Variants in DSE observed in about 807,000 individuals in gnomAD.
The protein encoded by DSE is dermatan sulfate epimerase.
DSE carries 36 observed loss-of-function variants against 84.4 expected under a neutral mutation model. That is an observed-to-expected ratio of 0.43 (90% CI 0.33 to 0.56). The LOEUF (loss-of-function observed/expected upper bound fraction) is 0.56. DSE is among the 20% of genes least tolerant of loss of function. The pLI, the probability that DSE is intolerant of heterozygous loss-of-function variation, is 0.06. For missense variants in DSE, 862 were observed against 1,169.6 expected (o/e 0.74, Z 3.84); for synonymous variants, 410 against 430.1 (o/e 0.95, Z 0.58).
At position 116,426,592 on chromosome 6, in the gene DSE, T is replaced by G. The variant is rs1351938180; in HGVS notation, c.435T>G (p.Pro145=). The change falls in exon 3 of 6, where the codon CCT becomes CCG. Residue 145 remains proline (P), a synonymous_variant. Coordinates refer to ENST00000644252, the MANE Select transcript of DSE (RefSeq NM_013352.4). ...AQPSWLVKDA[P]WDEVPLAHSL... ...TTTACAGGTTGGTGAAAGATGCTCC[T>G]TGGGATGAGGTCCCGCTTGCTCACT... is the stretch of plus-strand genomic sequence containing the variant. 6.2e-7 allele frequency: 1 copy of G among 1,613,678 alleles called. No individual in the cohort carries two copies. Among genetic ancestry groups the G allele is most frequent in the East Asian group, 2.2e-5 (1 of 44,868 alleles).
intron 2 of DSE, among the ~76,000 whole-genome samples, chr6:116,304,290 T>G (rs78732890): frequency 0.014 from 2,090 of 152,286 alleles, 21 homozygotes; most frequent in Non-Finnish European, 0.023. Context: ...TCAGTCTAGG[T>G]TGCAAAGTAT....
intron 2 of DSE, among the ~76,000 whole-genome samples, chr6:116,267,281 A>T (rs945113146): frequency 6.6e-6 from 1 of 152,192 alleles, no homozygotes; most frequent in African/African-American, 2.4e-5. Flanking sequence ...CATTTTTATC[A>T]CAGAAGATGA....
chr6:116,330,645 A>G (rs1238864963), intron 2 of DSE, among the ~76,000 whole-genome samples: 1 of 152,230 alleles, frequency 6.6e-6, no homozygotes, highest in Non-Finnish European at 1.5e-5. Context: ...ATACAACTGC[A>G]TAAATCTCAA....
At chr6:116,358,878 A>G (rs1778727783) in intron 2 of DSE, among the ~76,000 whole-genome samples, 1 of 152,216 alleles carries the variant, frequency 6.6e-6, no homozygotes, top group Non-Finnish European at 1.5e-5. Flanking sequence ...TATGTAGGTT[A>G]GAAAGCATTC....
intron 2 of DSE, among the ~76,000 whole-genome samples, chr6:116,347,235 C>T (rs1778031785): frequency 1.3e-5 from 2 of 152,164 alleles, no homozygotes; most frequent in Non-Finnish European, 2.9e-5. Flanking sequence ...CATCAAGCTA[C>T]CAATGACTTT....
chr6:116,397,479 TTA>T (rs1781333129), intron 1 of DSE, among the ~76,000 whole-genome samples: 1 of 152,142 alleles, frequency 6.6e-6, no homozygotes, highest in African/African-American at 2.4e-5. Flanking sequence ...AGTCCTGGGA[TTA>T]CAGGCATGAG....
intron 2 of DSE, among the ~76,000 whole-genome samples, chr6:116,353,951 G>A (rs1486372401): frequency 1.3e-5 from 2 of 152,114 alleles, no homozygotes; most frequent in African/African-American, 4.8e-5. Flanking sequence ...ATATTTTAGA[G>A]TAGAGGCAAG....
chr6:116,294,299 A>G (rs985501241), intron 2 of DSE, among the ~76,000 whole-genome samples: 2 of 152,198 alleles, frequency 1.3e-5, no homozygotes, highest in Non-Finnish European at 2.9e-5. Flanking sequence ...TTGGGATTAT[A>G]GGAGTGAGCC....
chr6:116,341,824 A>C (rs1291627674), intron 2 of DSE, among the ~76,000 whole-genome samples: 1 of 152,124 alleles, frequency 6.6e-6, no homozygotes, highest in Non-Finnish European at 1.5e-5. Context: ...ATTATTTCTG[A>C]GGCTTCTGCC....
chr6:116,268,263 C>G (rs2075222631), intron 2 of DSE, among the ~76,000 whole-genome samples: 1 of 152,188 alleles, frequency 6.6e-6, no homozygotes, highest in African/African-American at 2.4e-5. Context: ...TACACAAATA[C>G]TTGCCATTGT....
At chr6:116,407,578 G>C (rs910091853) in intron 2 of DSE, among the ~76,000 whole-genome samples, 3 of 152,124 alleles carry the variant, frequency 2.0e-5, no homozygotes, top group African/African-American at 7.2e-5. Flanking sequence ...CAAATTCACT[G>C]TCTTCCACTT....
intron 2 of DSE, among the ~76,000 whole-genome samples, chr6:116,287,838 A>G (rs1277619590): frequency 6.6e-6 from 1 of 152,148 alleles, no homozygotes; most frequent in Non-Finnish European, 1.5e-5. Context: ...TGTCACTTTT[A>G]AATACTGCTA....
intron 2 of DSE, chr6:116,279,554 C>T (rs972836921): frequency 6.2e-7 from 1 of 1,603,776 alleles, no homozygotes; most frequent in African/African-American, 1.3e-5. Context: ...GCTTTGATCG[C>T]CACATGACCG....
intron 1 of DSE, among the ~76,000 whole-genome samples, chr6:116,384,293 A>T (rs1780437828): frequency 6.6e-6 from 1 of 152,214 alleles, no homozygotes; most frequent in Non-Finnish European, 1.5e-5. Context: ...AAATTTTGAG[A>T]TGGCATTTAG....
chr6:116,385,523 G>A (rs1325050211), intron 1 of DSE, among the ~76,000 whole-genome samples: 12 of 151,792 alleles, frequency 7.9e-5, no homozygotes, highest in African/African-American at 2.2e-4. Context: ...ATAGGGAAGG[G>A]AGAAAAGGAG....
intron 2 of DSE, among the ~76,000 whole-genome samples, chr6:116,268,329 A>G (rs1476195668): frequency 1.3e-5 from 2 of 152,160 alleles, no homozygotes; most frequent in Non-Finnish European, 2.9e-5. Context: ...CTTGTAGCCT[A>G]GGAGCAATAG....
chr6:116,385,607 G>A (rs1780532702), intron 1 of DSE, among the ~76,000 whole-genome samples: 1 of 152,132 alleles, frequency 6.6e-6, no homozygotes, highest in Admixed American at 6.5e-5. Context: ...AGAAGGCAGT[G>A]CCTACGTCTT....
chr6:116,404,985 T>TG (rs901270561), intron 2 of DSE, among the ~76,000 whole-genome samples: 3 of 142,992 alleles, frequency 2.1e-5, no homozygotes, highest in Admixed American at 6.7e-5. Context: ...GAAGTAATTG[T>TG]GTTTTTTTTT....
upstream of DSE, chr6:116,370,628 T>C (rs1016087406): frequency 2.7e-5 from 20 of 737,160 alleles, no homozygotes; most frequent in Non-Finnish European, 3.3e-5. Flanking sequence ...GTTTGAGTCC[T>C]AAGAAACTAG....
Sources: allele counts gnomAD v4.1 joint callset (sites outside exome capture counted in the v4.1 genomes callset), GRCh38; gene constraint gnomAD v4.1.1; transcripts MANE v1.5; gene names NCBI Gene and HGNC (gene_info 2026-07-23, HGNC 2026-07-21).